Variants in STAU2 observed in about 807,000 individuals in gnomAD.
The protein encoded by STAU2 is double-stranded RNA-binding protein Staufen homolog 2.
Under a neutral mutation model 65.9 loss-of-function variants are expected in STAU2, and 20 were observed. The ratio of observed to expected loss-of-function variants is 0.30; its 90% CI spans 0.21 to 0.44. STAU2 has a LOEUF of 0.44. Ranked by LOEUF, STAU2 falls within the 20% of genes least tolerant of loss-of-function variation. STAU2 has a pLI of 1.00. For missense variants in STAU2, 558 were observed against 683.9 expected (o/e 0.82, Z 2.05); for synonymous variants, 232 against 233.9 (o/e 0.99, Z 0.07).
chr8:73,603,065 T>C (rs569107430), intron 10 of STAU2, among the ~76,000 whole-genome samples: 11 of 152,342 alleles, frequency 7.2e-5, no homozygotes, highest in African/African-American at 2.4e-4. Flanking sequence ...TTGGATATGT[T>C]TGAAATTGTA....
chr8:73,609,352 A>G lies in STAU2; in HGVS notation c.891+4392T>C, dbSNP rs952895358. On this transcript the variant is annotated intron_variant, in intron 9 of 14. Transcript: ENST00000524300. ...GGTTTCAACTTCCACTTATATCCTG[A>G]AAAAAAAAATTAAATAAAGGGCCGG... Among the ~76,000 whole-genome samples the G allele has an allele frequency of 1.5e-4, 23 of 150,506 alleles. 1 individual carries two copies. The highest frequency in any genetic ancestry group is 5.6e-4 in the African/African-American group (23 of 41,082).
intron 9 of STAU2, among the ~76,000 whole-genome samples, chr8:73,613,134 T>C (rs1156858745): frequency 6.6e-6 from 1 of 152,238 alleles, no homozygotes; most frequent in Non-Finnish European, 1.5e-5. Flanking sequence ...ATGGTTGCTA[T>C]GTGGATTAAA....
chr8:73,568,883 C>A (rs567796442), intron 12 of STAU2, among the ~76,000 whole-genome samples: 1 of 152,256 alleles, frequency 6.6e-6, no homozygotes, highest in East Asian at 1.9e-4. Flanking sequence ...ATAGGAACAG[C>A]TCCATGCTGC....
intron 13 of STAU2, among the ~76,000 whole-genome samples, chr8:73,473,230 G>A (rs1820131192): frequency 6.6e-6 from 1 of 152,124 alleles, no homozygotes; most frequent in Admixed American, 6.6e-5. Flanking sequence ...ACTTTCATCA[G>A]TGCTGTTCTA....
intron 6 of STAU2, among the ~76,000 whole-genome samples, chr8:73,643,455 T>C (rs1348877480): frequency 6.6e-6 from 1 of 152,210 alleles, no homozygotes; most frequent in African/African-American, 2.4e-5. Context: ...GCATATCCTC[T>C]GAAATGCCCA....
chr8:73,543,983 G>A (rs1353733338), intron 13 of STAU2, among the ~76,000 whole-genome samples: 1 of 152,104 alleles, frequency 6.6e-6, no homozygotes, highest in Non-Finnish European at 1.5e-5. Context: ...CGAATTCCAC[G>A]TTTAAAATGG....
chr8:73,681,355 C>G (rs890434566), intron 5 of STAU2, among the ~76,000 whole-genome samples: 6 of 152,164 alleles, frequency 3.9e-5, no homozygotes, highest in Non-Finnish European at 2.9e-5. Flanking sequence ...AATTTTATGT[C>G]CAGTGAAACT....
At chr8:73,680,588 A>G (rs755448009) in intron 5 of STAU2, among the ~76,000 whole-genome samples, 83 of 152,262 alleles carry the variant, frequency 5.5e-4, no homozygotes, top group Non-Finnish European at 4.6e-4. Flanking sequence ...ACACTAGTTC[A>G]CCAGCGATGG....
At chr8:73,661,405 C>T (rs1816823508) in intron 6 of STAU2, among the ~76,000 whole-genome samples, 1 of 150,640 alleles carries the variant, frequency 6.6e-6, no homozygotes, top group African/African-American at 2.4e-5. Flanking sequence ...TATTTTTAGC[C>T]TCAAAGAAAA....
intron 13 of STAU2, among the ~76,000 whole-genome samples, chr8:73,424,458 C>A (rs1342649022): frequency 6.6e-6 from 1 of 152,064 alleles, no homozygotes; most frequent in Non-Finnish European, 1.5e-5. Context: ...ACCTTGGCCT[C>A]CCAAACTGCT....
At chr8:73,734,282 A>G (rs1047584857) in intron 3 of STAU2, among the ~76,000 whole-genome samples, 2 of 149,360 alleles carry the variant, frequency 1.3e-5, no homozygotes, top group African/African-American at 4.9e-5. Context: ...AGTAAGCATA[A>G]GTTGCACATG....
intron 13 of STAU2, among the ~76,000 whole-genome samples, chr8:73,435,760 C>T (rs774719818): frequency 1.7e-4 from 26 of 151,970 alleles, no homozygotes; most frequent in Non-Finnish European, 2.8e-4. Context: ...GTGTTTTGCC[C>T]TCTTCAGGCC....
intron 13 of STAU2, among the ~76,000 whole-genome samples, chr8:73,524,148 T>TA (rs969870298): frequency 1.3e-5 from 2 of 152,066 alleles, no homozygotes; most frequent in Non-Finnish European, 2.9e-5. Flanking sequence ...GATAGGGACT[T>TA]AAACTAGAAT....
chr8:73,511,134 A>G (rs1426396020), intron 13 of STAU2: 1 of 152,626 alleles, frequency 6.6e-6, no homozygotes, highest in Non-Finnish European at 1.5e-5. Flanking sequence ...CACGAAGGGA[A>G]ACAACCTACT....
At chr8:73,746,988 G>C (rs1272414495), upstream of STAU2, 16 of 518,382 alleles carry the variant, frequency 3.1e-5, no homozygotes, top group Non-Finnish European at 3.9e-5. Flanking sequence ...CCGCGCCCCA[G>C]CACGCCCGGC....
chr8:73,429,404 T>C, intron 13 of STAU2, among the ~76,000 whole-genome samples: 1 of 145,064 alleles, frequency 6.9e-6, no homozygotes, highest in Non-Finnish European at 1.5e-5. Context: ...TCTATATTCT[T>C]GCTCAGGTCT....
intron 3 of STAU2, among the ~76,000 whole-genome samples, chr8:73,725,225 TTTC>T (rs1249546134): frequency 3.9e-5 from 6 of 152,348 alleles, no homozygotes; most frequent in Admixed American, 1.3e-4. Context: ...TATTTGTTCC[TTTC>T]TTCAACTTTA....
intron 12 of STAU2, chr8:73,561,382 GTTGC>G: frequency 3.1e-6 from 1 of 324,320 alleles, no homozygotes; most frequent in Non-Finnish European, 6.0e-6. Context: ...AGACAAAATA[GTTGC>G]TGTGAAAATG....
intron 13 of STAU2, among the ~76,000 whole-genome samples, chr8:73,502,885 T>C (rs1057265000): frequency 1.3e-5 from 2 of 152,100 alleles, no homozygotes; most frequent in Non-Finnish European, 2.9e-5. Context: ...ATGAGGCAGA[T>C]ATTCAATAAA....
Sources: allele counts gnomAD v4.1 joint callset (sites outside exome capture counted in the v4.1 genomes callset), GRCh38; gene constraint gnomAD v4.1.1; transcripts MANE v1.5; gene names NCBI Gene and HGNC (gene_info 2026-07-23, HGNC 2026-07-21).